The following RESF1 variants were observed in gnomAD, a reference collection of about 807,000 sequenced individuals.
RESF1 encodes the protein gonad expressed transcript.
In RESF1, 65 loss-of-function variants were observed where a neutral mutation model predicts 134.7. The observed-to-expected ratio is 0.48, with a 90% confidence interval of 0.40 to 0.59. RESF1 has a LOEUF of 0.59. Among genes scored for constraint, RESF1 ranks in the 20% least tolerant of loss-of-function variants. RESF1 has a pLI of 0.00. For missense variants in RESF1, 2,274 were observed against 2,002.7 expected (o/e 1.14, Z -2.59); for synonymous variants, 762 against 702.2 (o/e 1.09, Z -1.35).
rs1388147847 is a variant in RESF1 at position 31,981,929 on chromosome 12, A to T, written c.974A>T (p.Gln325Leu). The stretch of plus-strand genomic sequence containing the variant: ...AGGACCAGCTTTCAACAGCAGTGGC[A>T]AAACCCTAATGAAAATGTCAGCACA... ...EIRTSFQQQWQNPNENVSTIG... is the reference protein window; with the variant it reads ...EIRTSFQQQWLNPNENVSTIG... Residue 325 changes from glutamine to leucine, a missense_variant, in exon 4 of 6, where the codon CAA becomes CTA. Transcript: ENST00000312561. 6.2e-7 allele frequency: 1 copy of T among 1,614,244 alleles called. No individual in the cohort carries two copies. Among genetic ancestry groups the T allele is most frequent in the Admixed American group, 1.7e-5 (1 of 60,034 alleles).
chr12:31,986,358 A>G (rs1408817246), intron 4 of RESF1, among the ~76,000 whole-genome samples: 1 of 152,172 alleles, frequency 6.6e-6, no homozygotes, highest in East Asian at 1.9e-4. Context: ...AAGCCCTGTG[A>G]ACTTGAAATT....
intron 5 of RESF1, among the ~76,000 whole-genome samples, chr12:31,990,791 A>G (rs1015279564): frequency 6.6e-6 from 1 of 152,270 alleles, no homozygotes; most frequent in East Asian, 1.9e-4. Flanking sequence ...GGTTCTGGAG[A>G]AGGGATCTCT....
chr12:31,986,814 A>C (rs893829333), intron 4 of RESF1, among the ~76,000 whole-genome samples: 6 of 152,238 alleles, frequency 3.9e-5, no homozygotes, highest in Admixed American at 2.0e-4. Context: ...AATAGCATAA[A>C]CAGGATATGT....
intron 5 of RESF1, among the ~76,000 whole-genome samples, chr12:31,988,282 T>TA (rs1317382640): frequency 6.6e-6 from 1 of 152,210 alleles, no homozygotes; most frequent in Admixed American, 6.5e-5. Context: ...CAGCCCTCCG[T>TA]ATCTGCGTGT....
rs1269043692 is a variant in RESF1 at position 31,980,873 on chromosome 12, T to TA, written c.-78-4dup. 1.2e-4 allele frequency: 124 copies of TA among 1,025,484 alleles called. No individual in the cohort carries two copies. The African/African-American group carries it at 1.7e-3, about 14-fold the overall frequency. The allele number at this position is 1,025,484 out of a possible 1,614,324, so 63.5% of individuals were successfully genotyped here. On this transcript the variant is annotated splice_polypyrimidine_tract_variant and splice_region_variant and intron_variant, in intron 3 of 5. Transcript: ENST00000312561. ...ATTTTAATAAAATATCTTTATTTCT[T>TA]ACAGATTCCTGACATTCAGACAACT... is the stretch of plus-strand genomic sequence containing the variant.
At chr12:31,962,177 C>T (rs978618961) in intron 2 of RESF1, among the ~76,000 whole-genome samples, 1 of 149,990 alleles carries the variant, frequency 6.7e-6, no homozygotes, top group Non-Finnish European at 1.5e-5. Context: ...GAAGTCACCC[C>T]ATCGTACTGC....
chr12:31,970,091 A>C (rs532389144), intron 2 of RESF1, 98 bp from the exon 3 acceptor site: 1 of 152,318 alleles, frequency 6.6e-6, no homozygotes, highest in East Asian at 1.9e-4. Context: ...CATTGTGTGG[A>C]TATAGAATAT....
chr12:31,961,678 A>G (rs562913845), intron 2 of RESF1, among the ~76,000 whole-genome samples: 1 of 152,066 alleles, frequency 6.6e-6, no homozygotes, highest in Admixed American at 6.6e-5. Flanking sequence ...ATCCTCTTAG[A>G]TTCTCTTTTT....
rs1441040211 is a variant in RESF1 at position 31,983,553 on chromosome 12, C to T, written c.2598C>T (p.Ile866=). The part of the protein sequence containing the change: ...QGKHNKLESA[I]HSPMNDQQIS... ...AGCATAACAAATTAGAGTCAGCTATCCATTCTCCTATGAACGATCAGCAAA... is the reference window on the plus strand; with the variant it reads ...AGCATAACAAATTAGAGTCAGCTATTCATTCTCCTATGAACGATCAGCAAA... The change falls in exon 4 of 6, where the codon ATC becomes ATT. Residue 866 remains isoleucine (I), a synonymous_variant. Coordinates refer to ENST00000312561, the MANE Select transcript of RESF1 (RefSeq NM_018169.4). 3 of 1,614,112 alleles carry T rather than the reference C, an allele frequency of 1.9e-6. No homozygotes were observed. The highest frequency in any genetic ancestry group is 2.5e-6 in the Non-Finnish European group (3 of 1,179,988).
rs940735646 is a variant in RESF1, at chr12:31,981,808, A to G, written c.853A>G (p.Arg285Gly). The G allele has an allele frequency of 1.9e-6, 3 of 1,613,936 alleles. No homozygotes were observed. The highest frequency in any genetic ancestry group is 2.2e-5 in the South Asian group (2 of 91,088). The change falls in exon 4 of 6, where the codon AGA (arginine) becomes GGA (glycine). Residue 285 changes from arginine to glycine, a missense_variant. By Grantham distance (125) the Arg-to-Gly change is moderately radical. Coordinates refer to ENST00000312561, the MANE Select transcript of RESF1 (RefSeq NM_018169.4). The part of the protein sequence containing the change: ...KRPPPPPYNC[R>G]YGSQPLQSTQ... ...ACCTCCTCCTCCTCCTTACAACTGT[A>G]GATATGGAAGCCAGCCTTTGCAAAG...
chr12:31,972,973 A>G (rs185700529), intron 3 of RESF1, among the ~76,000 whole-genome samples: 2 of 152,068 alleles, frequency 1.3e-5, no homozygotes, highest in African/African-American at 4.8e-5. Context: ...GTAGCATTTT[A>G]ATTTCTCTTT....
In RESF1 at chr12:31,981,156, A is replaced by G; in HGVS notation, c.201A>G (p.Gln67=). Residue 67 remains glutamine (Q), a synonymous_variant, in exon 4 of 6, where the codon CAA becomes CAG. Transcript: ENST00000312561. ...TTTCACAGCCACTGCTGAATATCCA[A>G]AATTATCCTCAACAAATTTCTGTTT... The part of the protein sequence containing the change: ...NPISQPLLNI[Q]NYPQQISVSD... 1.9e-6 allele frequency: 3 copies of G among 1,614,086 alleles called. No homozygotes were observed. The highest frequency in any genetic ancestry group is 8.5e-7 in the Non-Finnish European group (1 of 1,179,976).
intron 2 of RESF1, among the ~76,000 whole-genome samples, chr12:31,967,855 G>A (rs1018265807): frequency 1.3e-5 from 2 of 152,172 alleles, no homozygotes; most frequent in African/African-American, 2.4e-5. Flanking sequence ...TTGCATCATT[G>A]TAAAGTCAAA....
At position 31,988,267 on chromosome 12, in the gene RESF1, A is replaced by G. The variant is rs546660314; in HGVS notation, c.5086+945A>G. Reference sequence around the variant, plus strand: ...AAAGTCCATTAAGTGTGGTTGAGGTATAGTCAGCCCTCCGTATCTGCGTGT... The same window carrying G: ...AAAGTCCATTAAGTGTGGTTGAGGTGTAGTCAGCCCTCCGTATCTGCGTGT... On this transcript the variant is annotated intron_variant, in intron 5 of 5. Coordinates refer to ENST00000312561, the MANE Select transcript of RESF1 (RefSeq NM_018169.4). Among the ~76,000 whole-genome samples the G allele has an allele frequency of 1.6e-4, 25 of 152,300 alleles. No individual in the cohort carries two copies. The East Asian group carries it at 4.6e-3, about 28-fold the overall frequency.
At chr12:31,974,061 T>C (rs1939574071) in intron 3 of RESF1, among the ~76,000 whole-genome samples, 1 of 151,954 alleles carries the variant, frequency 6.6e-6, no homozygotes, top group African/African-American at 2.4e-5. Flanking sequence ...CTCACAGAAC[T>C]CAGGGAAATA....
In RESF1 at chr12:31,985,942, C is replaced by G; in HGVS notation, c.4987C>G (p.Gln1663Glu). ...KDVKPHPRKE[Q>E]APLQVSGIKS... The stretch of plus-strand genomic sequence containing the variant: ...TGTAAAGCCTCATCCTAGGAAGGAG[C>G]AAGCCCCTCTGCAAGGTCCAGTATG... The change falls in exon 4 of 6, where the codon CAA (glutamine) becomes GAA (glutamate). Residue 1663 changes from glutamine to glutamate, a missense_variant. By Grantham distance (29) the Gln-to-Glu change is conservative. Transcript: ENST00000312561. The G allele has an allele frequency of 6.7e-7, 1 of 1,482,654 alleles. No homozygotes were observed. The allele number at this position is 1,482,654 out of a possible 1,614,324, so 91.8% of individuals were successfully genotyped here.
intron 3 of RESF1, among the ~76,000 whole-genome samples, chr12:31,973,062 A>G (rs746336410): frequency 1.1e-4 from 17 of 151,990 alleles, no homozygotes; most frequent in Non-Finnish European, 2.4e-4. Flanking sequence ...ATTCTTTTTA[A>G]AAGTATTTTT....
intron 3 of RESF1, among the ~76,000 whole-genome samples, chr12:31,976,999 C>G (rs1194322894): frequency 6.6e-6 from 1 of 152,122 alleles, no homozygotes; most frequent in Non-Finnish European, 1.5e-5. Context: ...TGGATATGAT[C>G]TCTTTGCTAT....
intron 5 of RESF1, among the ~76,000 whole-genome samples, chr12:31,990,206 CAT>C (rs1403142922): frequency 6.6e-6 from 1 of 152,148 alleles, no homozygotes; most frequent in East Asian, 1.9e-4. Flanking sequence ...AGTTGAATGA[CAT>C]GTGCAGACAG....
Sources: gnomAD v4.1 joint callset for allele counts (sites outside exome capture counted in the v4.1 genomes callset) on GRCh38, gnomAD v4.1.1 for gene constraint, MANE v1.5 for transcripts, NCBI Gene and HGNC (gene_info 2026-07-23, HGNC 2026-07-21) for gene names.